Variants in AGFG1 observed in about 807,000 individuals in gnomAD.
AGFG1 encodes arf-GAP domain and FG repeat-containing protein 1.
In AGFG1, 10 loss-of-function variants were observed where a neutral mutation model predicts 60.6. That is an observed-to-expected ratio of 0.16 (90% CI 0.10 to 0.28). The LOEUF (loss-of-function observed/expected upper bound fraction) is 0.28. Among genes scored for constraint, AGFG1 ranks in the 10% least tolerant of loss-of-function variants. The pLI is 1.00. For synonymous variants in AGFG1, 247 were observed against 242.9 expected, an observed-to-expected ratio of 1.02 and a Z score of -0.16; for missense variants, 537 against 676.5, an observed-to-expected ratio of 0.79 and a Z score of 2.29.
chr2:227,541,290 A>G (rs779456121), intron 10 of AGFG1, among the ~76,000 whole-genome samples: 34 of 152,144 alleles, frequency 2.2e-4, no homozygotes, highest in Admixed American at 1.0e-3. Flanking sequence ...CCTGAATGGT[A>G]TTGCCTAGGT....
At chr2:227,489,379 A>G (rs1042291752) in intron 1 of AGFG1, among the ~76,000 whole-genome samples, 1 of 149,344 alleles carries the variant, frequency 6.7e-6, no homozygotes, top group Non-Finnish European at 1.5e-5. Flanking sequence ...GCGCCACCAC[A>G]CCTGCCTAAT....
intron 1 of AGFG1, among the ~76,000 whole-genome samples, chr2:227,478,120 G>T (rs1454489968): frequency 1.4e-5 from 2 of 141,334 alleles, no homozygotes; most frequent in Non-Finnish European, 3.1e-5. Flanking sequence ...ATACTACCAT[G>T]TGCCGTAATT....
chr2:227,493,299 A>G (rs555908845), intron 2 of AGFG1, among the ~76,000 whole-genome samples: 1 of 152,330 alleles, frequency 6.6e-6, no homozygotes, highest in South Asian at 2.1e-4. Context: ...ACTTTATACC[A>G]GTTGAATTAC....
intron 5 of AGFG1, among the ~76,000 whole-genome samples, chr2:227,525,348 CT>C (rs931996283): frequency 2.0e-5 from 3 of 152,072 alleles, no homozygotes; most frequent in South Asian, 2.1e-4. Flanking sequence ...ATAAAACATA[CT>C]TTTTTTGTTA....
In AGFG1 at chr2:227,531,525, C is replaced by CTTT. The variant is rs34372948; in HGVS notation, c.814+328_814+330dup. Among the ~76,000 whole-genome samples the CTTT allele has an allele frequency of 5.8e-4, 76 of 130,186 alleles. 1 individual carries two copies. Among genetic ancestry groups the CTTT allele is most frequent in the African/African-American group, 1.7e-3 (60 of 34,474 alleles). 85.4% of individuals were successfully genotyped at this position (130,186 alleles called of 152,430 possible). On this transcript the variant is annotated intron_variant, in intron 6 of 12. Coordinates refer to ENST00000310078, the MANE Select transcript of AGFG1 (RefSeq NM_004504.5). ...TATAAGTATTTCTCTCTCTCTGTCT[C>CTTT]TTTTTTTTTTTTTTTGGCAATCCTC...
At chr2:227,547,172 TAGTAGG>T (rs1398615653) in intron 10 of AGFG1, among the ~76,000 whole-genome samples, 8 of 152,148 alleles carry the variant, frequency 5.3e-5, no homozygotes, top group African/African-American at 1.9e-4. Flanking sequence ...TCTAAATACT[TAGTAGG>T]CTCACTTCAC....
At chr2:227,510,465 A>G (rs989152750) in intron 2 of AGFG1, among the ~76,000 whole-genome samples, 1 of 152,178 alleles carries the variant, frequency 6.6e-6, no homozygotes, top group African/African-American at 2.4e-5. Flanking sequence ...AAAAAGTAGT[A>G]CTTTAGAGAA....
chr2:227,476,704 T>C (rs932414400), intron 1 of AGFG1, among the ~76,000 whole-genome samples: 2 of 152,176 alleles, frequency 1.3e-5, no homozygotes, highest in African/African-American at 2.4e-5. Flanking sequence ...TTTTATACAA[T>C]TAGTAGCATT....
chr2:227,476,241 G>C (rs569480021), intron 1 of AGFG1, among the ~76,000 whole-genome samples: 1 of 152,224 alleles, frequency 6.6e-6, no homozygotes, highest in South Asian at 2.1e-4. Context: ...ATCTTTCACT[G>C]TCTTTCTGGT....
intron 1 of AGFG1, among the ~76,000 whole-genome samples, chr2:227,485,403 ATT>A (rs10718894): frequency 0.015 from 1,997 of 135,408 alleles, 44 homozygotes; most frequent in African/African-American, 0.046. Flanking sequence ...TGCCCAGCTA[ATT>A]TTTTTTTTTT....
At chr2:227,545,603 C>T (rs1398080748) in intron 10 of AGFG1, among the ~76,000 whole-genome samples, 14 of 152,222 alleles carry the variant, frequency 9.2e-5, no homozygotes. Context: ...GTGGTTTTAT[C>T]TACCTTTGGT....
Position 227,473,273 on chromosome 2 carries a change from A to T in AGFG1, c.167+685A>T, listed in dbSNP as rs185052489. Among the ~76,000 whole-genome samples the T allele has an allele frequency of 3.3e-5, 5 of 152,312 alleles. No homozygotes were observed. In the East Asian group the frequency reaches 9.6e-4, roughly 29 times the overall value. On this transcript the variant is annotated intron_variant, in intron 1 of 12. Transcript: ENST00000310078. ...GATTAATTGCGGGAGGGGGAGGCAG[A>T]GGAGCAGATTTGAAGCTGTGGGATT...
chr2:227,528,707 G>A (rs1197567901), intron 5 of AGFG1, among the ~76,000 whole-genome samples: 1 of 152,184 alleles, frequency 6.6e-6, no homozygotes, highest in African/African-American at 2.4e-5. Flanking sequence ...AGTCTTCACA[G>A]GTAATGTTGG....
chr2:227,498,680 CA>C (rs1262286040), intron 2 of AGFG1, among the ~76,000 whole-genome samples: 1 of 152,174 alleles, frequency 6.6e-6, no homozygotes, highest in Non-Finnish European at 1.5e-5. Flanking sequence ...AAAATGTAGA[CA>C]TGTCTTTGTG....
intron 10 of AGFG1, among the ~76,000 whole-genome samples, chr2:227,545,781 A>G (rs150310068): frequency 0.054 from 8,225 of 152,296 alleles, 279 homozygotes; most frequent in African/African-American, 0.098. Flanking sequence ...TTGCCTGGGT[A>G]TCACCAGCGG....
At chr2:227,539,808 G>A (rs549541382) in intron 10 of AGFG1, among the ~76,000 whole-genome samples, 2 of 150,054 alleles carry the variant, frequency 1.3e-5, no homozygotes, top group Admixed American at 6.6e-5. Context: ...TGTGAAATTC[G>A]GAAAGTTTTA....
At chr2:227,550,671 A>G (rs1692792890) in intron 10 of AGFG1, among the ~76,000 whole-genome samples, 1 of 152,136 alleles carries the variant, frequency 6.6e-6, no homozygotes. Flanking sequence ...AATTAGGTTC[A>G]TTGAGCAGAA....
At chr2:227,521,277 G>C (rs532683810) in intron 3 of AGFG1, among the ~76,000 whole-genome samples, 133 of 152,176 alleles carry the variant, frequency 8.7e-4, no homozygotes, top group Non-Finnish European at 1.6e-3. Context: ...ATGTTGGCCA[G>C]GCTGGTCTTG....
intron 2 of AGFG1, chr2:227,510,810 T>C (rs906704611): frequency 2.0e-5 from 3 of 152,244 alleles, no homozygotes; most frequent in Non-Finnish European, 2.9e-5. Context: ...TAAGTCCTTA[T>C]GGTAGATGTC....
Sources: allele counts gnomAD v4.1 joint callset (sites outside exome capture counted in the v4.1 genomes callset), GRCh38; gene constraint gnomAD v4.1.1; transcripts MANE v1.5; gene names NCBI Gene and HGNC (gene_info 2026-07-23, HGNC 2026-07-21).